The following TMTC2 variants were observed in gnomAD, a reference collection of about 807,000 sequenced individuals.
The protein encoded by TMTC2 is transmembrane O-mannosyltransferase targeting cadherins 2, also known as protein O-mannosyl-transferase TMTC2.
TMTC2 carries 43 observed loss-of-function variants against 82.4 expected under a neutral mutation model. The ratio of observed to expected loss-of-function variants is 0.52; its 90% CI spans 0.41 to 0.67. The LOEUF (loss-of-function observed/expected upper bound fraction) is 0.67, where lower values mean the gene tolerates loss of function less well. TMTC2 is among the 30% of genes least tolerant of loss of function. The pLI, the probability that TMTC2 is intolerant of heterozygous loss-of-function variation, is 0.00. For missense variants in TMTC2, 919 were observed against 1,012.4 expected, an observed-to-expected ratio of 0.91 and a Z score of 1.25; for synonymous variants, 408 against 381.9, an observed-to-expected ratio of 1.07 and a Z score of -0.80.
intron 4 of TMTC2, among the ~76,000 whole-genome samples, chr12:82,937,738 G>A (rs12813047): frequency 3.2e-5 from 3 of 93,468 alleles, no homozygotes; most frequent in African/African-American, 1.2e-4. Context: ...GGATGTGTGT[G>A]TGTGTGTGTG....
At chr12:82,933,583 A>G (rs896904442) in intron 4 of TMTC2, among the ~76,000 whole-genome samples, 1 of 152,190 alleles carries the variant, frequency 6.6e-6, no homozygotes, top group Non-Finnish European at 1.5e-5. Context: ...AGATAATAGC[A>G]TGCATTAATC....
chr12:83,083,596 T>C (rs1883548467), intron 11 of TMTC2, among the ~76,000 whole-genome samples: 1 of 152,236 alleles, frequency 6.6e-6, no homozygotes, highest in African/African-American at 2.4e-5. Context: ...GCGCGTAGAC[T>C]GGTGCCTAAA....
At chr12:82,844,850 A>G (rs1228352751) in intron 1 of TMTC2, among the ~76,000 whole-genome samples, 1 of 152,016 alleles carries the variant, frequency 6.6e-6, no homozygotes, top group Non-Finnish European at 1.5e-5. Context: ...CATTTTTGAA[A>G]GCATCGAACT....
At chr12:82,757,982 G>C (rs2136975605) in intron 1 of TMTC2, among the ~76,000 whole-genome samples, 1 of 152,218 alleles carries the variant, frequency 6.6e-6, no homozygotes, top group South Asian at 2.1e-4. Flanking sequence ...CAAAACCCTT[G>C]ACTATTTTTG....
chr12:83,112,372 A>C (rs1004575176), intron 11 of TMTC2, among the ~76,000 whole-genome samples: 1 of 152,160 alleles, frequency 6.6e-6, no homozygotes, highest in Non-Finnish European at 1.5e-5. Flanking sequence ...TTTAGCATCC[A>C]AGACCTCATT....
rs1433728301 is a variant in TMTC2 at position 82,751,558 on chromosome 12, TA to T, written c.83+63893del. 4.6e-3 allele frequency among the ~76,000 whole-genome samples: 699 copies of T among 151,666 alleles called. 3 individuals are homozygous for T. Among genetic ancestry groups the T allele is most frequent in the Non-Finnish European group, 7.0e-3 (475 of 67,802 alleles). On this transcript the variant is annotated intron_variant, in intron 1 of 11. Coordinates refer to ENST00000321196, the MANE Select transcript of TMTC2 (RefSeq NM_152588.3). Reference sequence around the variant, plus strand: ...ATAATAATAATAAAATAAAATAAAATAAAATATATAAAGTTATTTTGGAAAC... The same window carrying T: ...ATAATAATAATAAAATAAAATAAAATAAATATATAAAGTTATTTTGGAAAC...
At position 82,687,524 on chromosome 12, in the gene TMTC2, T is replaced by C; in HGVS notation, c.-63T>C. 1 of 1,493,904 alleles carries C rather than the reference T, an allele frequency of 6.7e-7. No homozygotes were observed. Among genetic ancestry groups the C allele is most frequent in the Non-Finnish European group, 9.2e-7 (1 of 1,090,760 alleles). 92.5% of individuals were successfully genotyped at this position (1,493,904 alleles called of 1,614,324 possible). On this transcript the variant is annotated 5_prime_UTR_variant, in exon 1 of 12. Coordinates refer to ENST00000321196, the MANE Select transcript of TMTC2 (RefSeq NM_152588.3). ...GGCGGAAGGTGGAGATTGATGCTTC[T>C]GTTTTTTGTTGCCGCTGCTGCCCTC...
At chr12:82,943,060 G>A (rs1281622759) in intron 4 of TMTC2, among the ~76,000 whole-genome samples, 2 of 152,104 alleles carry the variant, frequency 1.3e-5, no homozygotes, top group East Asian at 3.9e-4. Flanking sequence ...GATTAGTCCT[G>A]GAGAGAGCTG....
chr12:82,839,544 A>G (rs1870224179), intron 1 of TMTC2, among the ~76,000 whole-genome samples: 1 of 152,226 alleles, frequency 6.6e-6, no homozygotes. Context: ...CAAAGATACA[A>G]GAGGTTTCAC....
At chr12:83,105,928 C>T (rs954257854) in intron 11 of TMTC2, among the ~76,000 whole-genome samples, 7 of 152,144 alleles carry the variant, frequency 4.6e-5, no homozygotes, top group African/African-American at 1.7e-4. Flanking sequence ...GTTTAAACCT[C>T]TAAAGCCTAC....
chr12:82,750,314 T>A (rs1439249279), intron 1 of TMTC2, among the ~76,000 whole-genome samples: 2 of 152,084 alleles, frequency 1.3e-5, no homozygotes, highest in Non-Finnish European at 2.9e-5. Context: ...AGCAGCTTTC[T>A]ATAGAAACTA....
At chr12:83,084,352 CT>C (rs1348208594) in intron 11 of TMTC2, among the ~76,000 whole-genome samples, 5 of 152,160 alleles carry the variant, frequency 3.3e-5, no homozygotes, top group South Asian at 2.1e-4. Flanking sequence ...TTTATCCCCC[CT>C]ATTATATTAC....
intron 1 of TMTC2, among the ~76,000 whole-genome samples, chr12:82,761,837 A>G (rs1279809216): frequency 6.6e-6 from 1 of 151,620 alleles, no homozygotes; most frequent in Non-Finnish European, 1.5e-5. Context: ...AGCTATTGCT[A>G]CTCTGGAAAA....
At chr12:82,794,190 C>T (rs1486119576) in intron 1 of TMTC2, among the ~76,000 whole-genome samples, 2 of 152,134 alleles carry the variant, frequency 1.3e-5, no homozygotes, top group African/African-American at 2.4e-5. Flanking sequence ...GGCGCAGGCC[C>T]GCAATTTGTT....
In TMTC2 at chr12:82,771,550, G is replaced by A. The variant is rs544672706; in HGVS notation, c.83+83881G>A. 8.5e-5 allele frequency among the ~76,000 whole-genome samples: 13 copies of A among 152,058 alleles called. No individual in the cohort carries two copies. In the South Asian group the frequency reaches 2.5e-3, roughly 29 times the overall value. On this transcript the variant is annotated intron_variant, in intron 1 of 11. Coordinates refer to ENST00000321196, the MANE Select transcript of TMTC2 (RefSeq NM_152588.3). ...TTAGTCACTGAAAGCTTTTGATTTG[G>A]TACCCTTGCTTTCAAACCAGTCCTT...
At chr12:82,960,597 G>A (rs1478445711) in intron 4 of TMTC2, among the ~76,000 whole-genome samples, 3 of 152,030 alleles carry the variant, frequency 2.0e-5, no homozygotes, top group Non-Finnish European at 4.4e-5. Flanking sequence ...CCATAAGATG[G>A]CAATAAAAGA....
intron 1 of TMTC2, among the ~76,000 whole-genome samples, chr12:82,754,893 C>T (rs1363163570): frequency 6.6e-6 from 1 of 152,178 alleles, no homozygotes; most frequent in Admixed American, 6.5e-5. Flanking sequence ...TACTCATCTC[C>T]TTGTGAACAG....
chr12:82,985,368 C>T (rs909331581), intron 7 of TMTC2, among the ~76,000 whole-genome samples: 1 of 152,084 alleles, frequency 6.6e-6, no homozygotes, highest in Non-Finnish European at 1.5e-5. Context: ...TACTTGTTAA[C>T]ATATAAAATT....
At chr12:82,740,245 G>A (rs1875329444) in intron 1 of TMTC2, among the ~76,000 whole-genome samples, 1 of 152,174 alleles carries the variant, frequency 6.6e-6, no homozygotes, top group East Asian at 1.9e-4. Flanking sequence ...AAGGGAATCT[G>A]CATTCTGGAA....
Sources: gnomAD v4.1 joint callset for allele counts (sites outside exome capture counted in the v4.1 genomes callset) on GRCh38, gnomAD v4.1.1 for gene constraint, MANE v1.5 for transcripts, NCBI Gene and HGNC (gene_info 2026-07-23, HGNC 2026-07-21) for gene names.